Variants in TK1 observed in about 807,000 individuals in gnomAD.
TK1 encodes the protein thymidine kinase, cytosolic.
In TK1, 13 loss-of-function variants were observed where a neutral mutation model predicts 22.4. That is an observed-to-expected ratio of 0.58 (90% CI 0.38 to 0.92). The LOEUF (loss-of-function observed/expected upper bound fraction) is 0.92. Among genes scored for constraint, TK1 ranks in the 40% least tolerant of loss-of-function variants. TK1 has a pLI of 0.00. For missense variants in TK1, 251 were observed against 315.7 expected, an observed-to-expected ratio of 0.80 and a Z score of 1.55; for synonymous variants, 134 against 125.4, an observed-to-expected ratio of 1.07 and a Z score of -0.46.
intron 5 of TK1, 82 bp from the exon 6 acceptor site, chr17:78,175,251 C>T (rs2075690247): frequency 4.9e-6 from 7 of 1,429,898 alleles, no homozygotes; most frequent in Non-Finnish European, 4.6e-6. Context: ...TTCACAAGCA[C>T]TGAAGCCAGG....
At chr17:78,174,985 G>A (rs1489656602) in intron 6 of TK1, 35 bp from the exon 7 acceptor site, 1 of 1,610,472 alleles carries the variant, frequency 6.2e-7, no homozygotes, top group Non-Finnish European at 8.5e-7. Context: ...TGAAGGGCCA[G>A]GACAGGAAGG....
At position 78,174,932 on chromosome 17, in the gene TK1, C is replaced by T; in HGVS notation, c.532G>A (p.Ala178Thr). Residue 178 changes from alanine to threonine, a missense_variant, in exon 7 of 7, where the codon GCA (alanine) becomes ACA (threonine). Transcript: ENST00000301634. ...CGACACACGGAGTGGTACTTGTCTG[C>T]TCCCCCAATCACCTCGACCTGGCCG... ...TEKEVEVIGG[A>T]DKYHSVCRLC... The T allele has an allele frequency of 6.2e-7, 1 of 1,613,574 alleles. No homozygotes were observed. The highest frequency in any genetic ancestry group is 1.7e-5 in the Admixed American group (1 of 59,994).
At chr17:78,186,724 G>GGAGGGGACGC (rs373229479) in intron 2 of TK1, 63 bp downstream of exon 2, 1 of 1,334,582 alleles carries the variant, frequency 7.5e-7, no homozygotes, top group East Asian at 3.2e-5. Flanking sequence ...GGAGGGGAGG[G>GGAGGGGACGC]ACGGGACAAG....
intron 4 of TK1, among the ~76,000 whole-genome samples, chr17:78,176,538 G>A (rs2075701042): frequency 6.6e-6 from 1 of 152,142 alleles, no homozygotes; most frequent in African/African-American, 2.4e-5. Flanking sequence ...AGCCCAACGT[G>A]ACTGATTGCG....
In TK1 at chr17:78,186,675, G is replaced by A. The variant is rs7223252; in HGVS notation, c.98+112C>T. 25 of 885,992 alleles carry A rather than the reference G, an allele frequency of 2.8e-5. No individual in the cohort carries two copies. In the East Asian group the frequency reaches 5.5e-4, roughly 19 times the overall value. 54.9% of individuals were successfully genotyped at this position (885,992 alleles called of 1,614,324 possible). A position where few individuals can be genotyped will look rare whatever the true frequency, so the allele number is the denominator to read the frequency against. On this transcript the variant is annotated intron_variant, in intron 2 of 6. Transcript: ENST00000301634. ...TGGTCCTTCTAGGGGAAGGGAAGGG[G>A]AGGGAAGGGAAGGGGAGGGGAGGGG... is the stretch of plus-strand genomic sequence containing the variant.
chr17:78,186,366 T>G (rs57604564), intron 2 of TK1, among the ~76,000 whole-genome samples: 13,666 of 152,094 alleles, frequency 0.09, 1,049 homozygotes, highest in African/African-American at 0.2. Context: ...TTCAGACTCC[T>G]TGGTTTAGAA....
rs143232276 is a variant in TK1, at chr17:78,178,686, C to T, written c.304-3068G>A. ...ACTGAGTTTTGCTCTTGTTGTTGCC[C>T]AGGCTTGGAGTGCAATGGGGCGATC... On this transcript the variant is annotated intron_variant, in intron 4 of 6. Transcript: ENST00000301634. Among the ~76,000 whole-genome samples, 417 of 152,274 alleles carry T rather than the reference C, an allele frequency of 2.7e-3. 1 individual carries two copies. The highest frequency in any genetic ancestry group is 3.5e-3 in the Non-Finnish European group (241 of 68,038).
intron 5 of TK1, 89 bp from the exon 6 acceptor site, chr17:78,175,258 C>T (rs1457802114): frequency 1.4e-6 from 2 of 1,401,240 alleles, no homozygotes; most frequent in South Asian, 1.3e-5. Flanking sequence ...GCACTGAAGC[C>T]AGGAGAGTTT....
chr17:78,179,262 T>C, intron 4 of TK1: 10 of 985,446 alleles, frequency 1.0e-5, no homozygotes, highest in Non-Finnish European at 1.2e-5. Flanking sequence ...AATCCCTGGA[T>C]GCATTCTGAG....
chr17:78,176,777 C>CTG (rs1242733890), intron 4 of TK1, among the ~76,000 whole-genome samples: 1 of 152,228 alleles, frequency 6.6e-6, no homozygotes, highest in Non-Finnish European at 1.5e-5. Flanking sequence ...CCGGATCTCG[C>CTG]TGTGTCCTGT....
At chr17:78,179,377 C>T in intron 4 of TK1, 1 of 985,424 alleles carries the variant, frequency 1.0e-6, no homozygotes. Context: ...AACGACGTCT[C>T]CACGTACGCA....
intron 4 of TK1, among the ~76,000 whole-genome samples, chr17:78,175,958 C>T (rs752360637): frequency 1.3e-5 from 2 of 152,200 alleles, no homozygotes; most frequent in African/African-American, 4.8e-5. Context: ...CACCACTCTT[C>T]GCTGGACCCA....
In TK1 at chr17:78,185,180, A is replaced by G. The variant is rs377039499; in HGVS notation, c.99-15T>C. On this transcript the variant is annotated splice_polypyrimidine_tract_variant and intron_variant, in intron 2 of 6. Coordinates refer to ENST00000301634, the MANE Select transcript of TK1 (RefSeq NM_003258.5). The stretch of plus-strand genomic sequence containing the variant: ...TCAACTCTGTGCTGCAAGAGGAGAG[A>G]GGGTCAGGTGAGGTCCACGGCGGGA... 6.2e-5 allele frequency: 100 copies of G among 1,610,190 alleles called. No individual in the cohort carries two copies. The African/African-American group carries it at 9.9e-4, about 16-fold the overall frequency.
intron 4 of TK1, among the ~76,000 whole-genome samples, chr17:78,178,215 A>G (rs1235648281): frequency 2.0e-5 from 3 of 152,154 alleles, no homozygotes; most frequent in Admixed American, 1.3e-4. Context: ...TACTATTGCC[A>G]AGCGACCCTG....
intron 4 of TK1, among the ~76,000 whole-genome samples, chr17:78,177,391 G>A (rs558003120): frequency 6.6e-6 from 1 of 152,288 alleles, no homozygotes; most frequent in South Asian, 2.1e-4. Context: ...TGCCTAAGAT[G>A]TCTATAAAAC....
At chr17:78,185,005 T>C in intron 3 of TK1, 50 bp downstream of exon 3, 1 of 1,400,750 alleles carries the variant, frequency 7.1e-7, no homozygotes, top group Non-Finnish European at 1.0e-6. Context: ...CAGTGTGTCC[T>C]GTGCCTTGTG....
At chr17:78,182,952 A>T (rs898088549) in intron 3 of TK1, among the ~76,000 whole-genome samples, 3 of 152,068 alleles carry the variant, frequency 2.0e-5, no homozygotes, top group African/African-American at 7.2e-5. Context: ...TCTACCTCCC[A>T]ATTCTCAAGG....
intron 4 of TK1, among the ~76,000 whole-genome samples, chr17:78,178,596 T>C (rs1018127294): frequency 6.6e-6 from 1 of 152,200 alleles, no homozygotes; most frequent in African/African-American, 2.4e-5. Flanking sequence ...GGAACCCCTC[T>C]CCTCGATCTA....
At chr17:78,186,379 C>T (rs1212366414) in intron 2 of TK1, among the ~76,000 whole-genome samples, 2 of 152,082 alleles carry the variant, frequency 1.3e-5, no homozygotes, top group South Asian at 2.1e-4. Flanking sequence ...GTTTAGAAAG[C>T]GACTACGTTT....
Sources: gnomAD v4.1 joint callset for allele counts (sites outside exome capture counted in the v4.1 genomes callset) on GRCh38, gnomAD v4.1.1 for gene constraint, MANE v1.5 for transcripts, NCBI Gene and HGNC (gene_info 2026-07-23, HGNC 2026-07-21) for gene names.